The following CEP70 variants were observed in gnomAD, a reference collection of about 807,000 sequenced individuals.
CEP70 encodes centrosomal protein 70.
In CEP70, 70 loss-of-function variants were observed where a neutral mutation model predicts 90.9. That is an observed-to-expected ratio of 0.77 (90% CI 0.64 to 0.94). CEP70 has a LOEUF of 0.94. CEP70 is among the 40% of genes least tolerant of loss of function. The pLI, the probability that CEP70 is intolerant of heterozygous loss-of-function variation, is 0.00. For synonymous variants in CEP70, 220 were observed against 228.3 expected, an observed-to-expected ratio of 0.96 and a Z score of 0.33; for missense variants, 648 against 669.0, an observed-to-expected ratio of 0.97 and a Z score of 0.35.
chr3:138,548,149 T>G (rs375577524), intron 6 of CEP70, among the ~76,000 whole-genome samples: 1 of 152,184 alleles, frequency 6.6e-6, no homozygotes, highest in African/African-American at 2.4e-5. Flanking sequence ...CCAAATTCAA[T>G]AGCATATTAA....
Position 138,571,853 on chromosome 3 carries a change from A to T in CEP70, c.70-497T>A, listed in dbSNP as rs374916609. On this transcript the variant is annotated intron_variant, in intron 3 of 17. Transcript: ENST00000264982. ...GAGTGCAGCGGTACGATCTCGGCTCACTGCAAGCTCTGCCTCCCAGGTTCA... is the reference window on the plus strand; with the variant it reads ...GAGTGCAGCGGTACGATCTCGGCTCTCTGCAAGCTCTGCCTCCCAGGTTCA... Among the ~76,000 whole-genome samples the T allele has an allele frequency of 1.8e-4, 27 of 152,194 alleles. 1 individual carries two copies. The highest frequency in any genetic ancestry group is 6.5e-4 in the African/African-American group (27 of 41,522).
At chr3:138,571,451 T>C (rs986740487) in intron 3 of CEP70, 95 bp from the exon 4 acceptor site, 46 of 854,332 alleles carry the variant, frequency 5.4e-5, no homozygotes, top group Middle Eastern at 7.0e-4. Flanking sequence ...AATAGAACTT[T>C]TTCTTCAAAA....
intron 11 of CEP70, among the ~76,000 whole-genome samples, chr3:138,520,665 C>G (rs2108785026): frequency 1.3e-5 from 2 of 152,348 alleles, no homozygotes; most frequent in East Asian, 3.9e-4. Context: ...ACCAGAATCT[C>G]TGGGACACAT....
intron 6 of CEP70, among the ~76,000 whole-genome samples, chr3:138,551,416 C>T: frequency 6.6e-6 from 1 of 152,102 alleles, no homozygotes; most frequent in African/African-American, 2.4e-5. Flanking sequence ...CTTTTCAAAG[C>T]ATAAATGTCA....
At chr3:138,529,984 C>G (rs1053763312) in intron 8 of CEP70, among the ~76,000 whole-genome samples, 10 of 152,304 alleles carry the variant, frequency 6.6e-5, no homozygotes, top group African/African-American at 1.9e-4. Flanking sequence ...AAGTCAATCT[C>G]TCAGAATTTA....
chr3:138,531,526 G>A (rs2037811493), intron 8 of CEP70: 1 of 152,102 alleles, frequency 6.6e-6, no homozygotes, highest in Non-Finnish European at 1.5e-5. Context: ...CAGCCGAGTT[G>A]AGTAGTTGTC....
At chr3:138,553,050 T>C (rs1434824051) in intron 6 of CEP70, among the ~76,000 whole-genome samples, 3 of 152,054 alleles carry the variant, frequency 2.0e-5, no homozygotes, top group Non-Finnish European at 2.9e-5. Flanking sequence ...ATCAAAACTT[T>C]TACGCACATA....
chr3:138,560,678 T>G (rs2040341881), intron 6 of CEP70, among the ~76,000 whole-genome samples: 1 of 151,966 alleles, frequency 6.6e-6, no homozygotes, highest in Non-Finnish European at 1.5e-5. Flanking sequence ...ACACTTGAGC[T>G]TGGTGGGGTG....
chr3:138,498,359 A>ACAGAGTCTTG (rs1198682177), intron 16 of CEP70, among the ~76,000 whole-genome samples: 1 of 142,206 alleles, frequency 7.0e-6, no homozygotes, highest in African/African-American at 2.6e-5. Context: ...TTTTTTTGAG[A>ACAGAGTCTTG]CAGAGTCTTG....
chr3:138,554,499 ACC>A (rs779837250), intron 6 of CEP70, among the ~76,000 whole-genome samples: 3 of 152,154 alleles, frequency 2.0e-5, no homozygotes, highest in Admixed American at 6.5e-5. Flanking sequence ...AATAAAGGGC[ACC>A]CAAATCAGTA....
intron 6 of CEP70, among the ~76,000 whole-genome samples, chr3:138,557,210 G>A (rs958246077): frequency 1.3e-5 from 2 of 152,178 alleles, no homozygotes; most frequent in African/African-American, 2.4e-5. Context: ...CAGCTCACCG[G>A]CGGTCAGAGT....
chr3:138,525,471 T>C lies in CEP70; in HGVS notation c.944+19A>G. The C allele has an allele frequency of 8.7e-7, 1 of 1,150,598 alleles. No individual in the cohort carries two copies. The highest frequency in any genetic ancestry group is 2.8e-5 in the East Asian group (1 of 36,096). 71.3% of individuals were successfully genotyped at this position (1,150,598 alleles called of 1,614,324 possible). A position where few individuals can be genotyped will look rare whatever the true frequency, so the allele number is the denominator to read the frequency against. On this transcript the variant is annotated intron_variant, in intron 11 of 17. Coordinates refer to ENST00000264982, the MANE Select transcript of CEP70 (RefSeq NM_024491.4). ...AAAAATCCTAATAAAAGAGGCAATT[T>C]TGGTAAAAATATAATTACTTGACGT...
intron 11 of CEP70, among the ~76,000 whole-genome samples, chr3:138,522,169 A>G (rs1052826320): frequency 6.6e-6 from 1 of 152,186 alleles, no homozygotes; most frequent in African/African-American, 2.4e-5. Context: ...TCCTCTGCCT[A>G]GGAAAACCAG....
rs1337954826 is a variant in CEP70, at chr3:138,504,516, A to G, written c.1221+779T>C. On this transcript the variant is annotated intron_variant, in intron 13 of 17. Transcript: ENST00000264982. ...ATATCTTCTGCATCATTTGTACTTCATGTAATAAGACTTATGTTGCAAACA... is the reference window on the plus strand; with the variant it reads ...ATATCTTCTGCATCATTTGTACTTCGTGTAATAAGACTTATGTTGCAAACA... Among the ~76,000 whole-genome samples, 4 of 152,208 alleles carry G rather than the reference A, an allele frequency of 2.6e-5. No homozygotes were observed. In the East Asian group the frequency reaches 7.7e-4, roughly 29 times the overall value.
chr3:138,563,659 G>A (rs1415571134), intron 6 of CEP70, among the ~76,000 whole-genome samples: 1 of 152,148 alleles, frequency 6.6e-6, no homozygotes, highest in Admixed American at 6.5e-5. Context: ...TGAGAACAAA[G>A]ACACAATGTA....
chr3:138,593,422 C>G (rs1330960002), intron 1 of CEP70, among the ~76,000 whole-genome samples: 2 of 152,214 alleles, frequency 1.3e-5, no homozygotes, highest in Non-Finnish European at 2.9e-5. Flanking sequence ...GTGGTTTCAT[C>G]ATGTTGGCCA....
At chr3:138,531,981 C>T (rs1175247591) in intron 8 of CEP70, among the ~76,000 whole-genome samples, 2 of 152,194 alleles carry the variant, frequency 1.3e-5, no homozygotes, top group East Asian at 1.9e-4. Flanking sequence ...AGTGACCTTA[C>T]ATTAAAGCAT....
Position 138,583,798 on chromosome 3 carries a change from C to T in CEP70, c.-6+8056G>A, listed in dbSNP as rs6772425. Among the ~76,000 whole-genome samples the T allele has an allele frequency of 2.9e-3, 436 of 152,136 alleles. 4 individuals are homozygous for T. Among genetic ancestry groups the T allele is most frequent in the African/African-American group, 0.01 (421 of 41,544 alleles). Reference sequence around the variant, plus strand: ...AGAACATACCAAAACCTATGGGATACAGTGAAAACAGTACTGAGAGAAATT... The same window carrying T: ...AGAACATACCAAAACCTATGGGATATAGTGAAAACAGTACTGAGAGAAATT... On this transcript the variant is annotated intron_variant, in intron 2 of 17. Transcript: ENST00000264982.
intron 6 of CEP70, 41 bp downstream of exon 6, chr3:138,570,277 A>T (rs1352876223): frequency 1.5e-6 from 2 of 1,338,646 alleles, no homozygotes; most frequent in Admixed American, 4.9e-5. Context: ...GAGCTGTTTT[A>T]GTACTAACTA....
Sources: allele counts gnomAD v4.1 joint callset (sites outside exome capture counted in the v4.1 genomes callset), GRCh38; gene constraint gnomAD v4.1.1; transcripts MANE v1.5; gene names NCBI Gene and HGNC (gene_info 2026-07-23, HGNC 2026-07-21).